COL23A1: variants seen among roughly 807,000 people sequenced by gnomAD.
The protein encoded by COL23A1 is collagen type XXIII alpha 1 chain, also known as collagen alpha-1(XXIII) chain.
COL23A1 carries 97 observed loss-of-function variants against 99.3 expected under a neutral mutation model. The ratio of observed to expected loss-of-function variants is 0.98; its 90% CI spans 0.83 to 1.16. The LOEUF is 1.16. COL23A1 is among the 50% of genes most tolerant of loss of function. COL23A1 has a pLI of 0.00. For synonymous variants in COL23A1, 320 were observed against 308.2 expected (o/e 1.04, Z -0.40); for missense variants, 762 against 757.4 (o/e 1.01, Z -0.07).
chr5:178,253,650 T>A, intron 16 of COL23A1, among the ~76,000 whole-genome samples: 1 of 151,880 alleles, frequency 6.6e-6, no homozygotes, highest in Middle Eastern at 3.4e-3. Flanking sequence ...GCCCGGCTAA[T>A]TTTTGTATTT....
intron 1 of COL23A1, among the ~76,000 whole-genome samples, chr5:178,565,883 C>G (rs534400900): frequency 3.3e-4 from 50 of 150,490 alleles, no homozygotes; most frequent in African/African-American, 1.2e-3. Flanking sequence ...GAGGCCGAGG[C>G]AGGCAGATCA....
In COL23A1 at chr5:178,502,078, A is replaced by G. The variant is rs114951885; in HGVS notation, c.361+58604T>C. Among the ~76,000 whole-genome samples the G allele has an allele frequency of 7.1e-3, 1,086 of 152,376 alleles. 12 individuals are homozygous for G. Among genetic ancestry groups the G allele is most frequent in the African/African-American group, 0.025 (1,030 of 41,586 alleles). On this transcript the variant is annotated intron_variant, in intron 2 of 28. Transcript: ENST00000390654. ...CACGCTACCTTCTTAAGCTGCTTCC[A>G]TGATCAATGATCTGTACTTAAAATC...
At chr5:178,451,152 G>A (rs932183704) in intron 2 of COL23A1, among the ~76,000 whole-genome samples, 2 of 152,074 alleles carry the variant, frequency 1.3e-5, no homozygotes, top group African/African-American at 4.8e-5. Flanking sequence ...TAAATCTATC[G>A]AACAATTATT....
At chr5:178,499,530 A>C (rs618303) in intron 2 of COL23A1, among the ~76,000 whole-genome samples, 24,310 of 152,194 alleles carry the variant, frequency 0.16, 3,949 homozygotes, top group East Asian at 0.6. Flanking sequence ...TCTACAAAAT[A>C]CCTGACCAGT....
At chr5:178,390,919 C>A (rs565857928) in intron 2 of COL23A1, among the ~76,000 whole-genome samples, 1 of 152,204 alleles carries the variant, frequency 6.6e-6, no homozygotes, top group Non-Finnish European at 1.5e-5. Context: ...ACCAAAGGAG[C>A]AATAGATAAA....
intron 2 of COL23A1, among the ~76,000 whole-genome samples, chr5:178,367,608 TG>T (rs545844042): frequency 2.0e-5 from 3 of 152,238 alleles, no homozygotes; most frequent in Middle Eastern, 3.4e-3. Context: ...TTAGGGAGGC[TG>T]GGGGCGGGGT....
chr5:178,259,802 C>T (rs1435240921), intron 11 of COL23A1, 55 bp from the exon 12 acceptor site: 4 of 1,507,596 alleles, frequency 2.7e-6, no homozygotes, highest in Non-Finnish European at 3.6e-6. Context: ...GGAGAGTGGC[C>T]CGGACCCCGG....
intron 2 of COL23A1, among the ~76,000 whole-genome samples, chr5:178,403,442 A>G (rs1764581787): frequency 6.6e-6 from 1 of 152,156 alleles, no homozygotes; most frequent in Non-Finnish European, 1.5e-5. Flanking sequence ...CGTTATCTCC[A>G]TTATTGCAAC....
chr5:178,358,219 GTCTAA>G (rs1761873761), intron 2 of COL23A1, among the ~76,000 whole-genome samples: 2 of 115,416 alleles, frequency 1.7e-5, no homozygotes. Context: ...GTGTATGTGT[GTCTAA>G]TGTGTGTATG....
intron 2 of COL23A1, among the ~76,000 whole-genome samples, chr5:178,369,745 G>C (rs56323836): frequency 0.097 from 14,683 of 151,962 alleles, 806 homozygotes; most frequent in South Asian, 0.18. Context: ...TGATTGTAAG[G>C]CCCCCCCAGC....
intron 2 of COL23A1, among the ~76,000 whole-genome samples, chr5:178,410,385 C>T (rs368505705): frequency 7.2e-5 from 11 of 152,214 alleles, no homozygotes; most frequent in Admixed American, 1.3e-4. Flanking sequence ...CAAATTCATA[C>T]GGAATAGCAA....
intron 2 of COL23A1, among the ~76,000 whole-genome samples, chr5:178,524,674 G>A (rs1483009175): frequency 6.6e-6 from 1 of 152,200 alleles, no homozygotes; most frequent in African/African-American, 2.4e-5. Context: ...CAACTTCCAG[G>A]CCACGCTGAC....
chr5:178,535,788 TC>T (rs1345612394), intron 2 of COL23A1, among the ~76,000 whole-genome samples: 7 of 152,128 alleles, frequency 4.6e-5, no homozygotes, highest in African/African-American at 1.4e-4. Flanking sequence ...TGAGCCAGAG[TC>T]CCCAGCCCCA....
At chr5:178,283,945 T>G (rs1581523780) in intron 5 of COL23A1, among the ~76,000 whole-genome samples, 1 of 152,228 alleles carries the variant, frequency 6.6e-6, no homozygotes, top group African/African-American at 2.4e-5. Flanking sequence ...CTGGGCCTGA[T>G]CCATCTTTGT....
At chr5:178,408,269 G>C (rs1289088971) in intron 2 of COL23A1, among the ~76,000 whole-genome samples, 5 of 152,172 alleles carry the variant, frequency 3.3e-5, no homozygotes, top group Non-Finnish European at 7.4e-5. Flanking sequence ...TTCAGGTGAG[G>C]TTAAATTAAG....
chr5:178,240,121 C>T (rs1764314479), intron 27 of COL23A1, among the ~76,000 whole-genome samples: 1 of 152,196 alleles, frequency 6.6e-6, no homozygotes, highest in Non-Finnish European at 1.5e-5. Flanking sequence ...CTGTGGTGCC[C>T]ACCCAGGAGC....
intron 2 of COL23A1, among the ~76,000 whole-genome samples, chr5:178,550,326 G>A (rs1370079272): frequency 6.6e-6 from 1 of 152,158 alleles, no homozygotes; most frequent in Non-Finnish European, 1.5e-5. Flanking sequence ...TAACATTTGG[G>A]ACCGGATAGT....
At position 178,255,061 on chromosome 5, in the gene COL23A1, G is replaced by A. The variant is rs766472837; in HGVS notation, c.883-35C>T. The A allele has an allele frequency of 2.6e-6, 4 of 1,554,134 alleles. No individual in the cohort carries two copies. The East Asian group carries it at 9.0e-5, about 35-fold the overall frequency. The stretch of plus-strand genomic sequence containing the variant: ...GAAGAAGAGTAAGAATTTCAGGGAA[G>A]AGCTACACTGAGTTGGAGGTGAAGT... On this transcript the variant is annotated intron_variant, in intron 15 of 28. Coordinates refer to ENST00000390654, the MANE Select transcript of COL23A1 (RefSeq NM_173465.4). The surrounding 1 kb of genome is among the most constrained non-coding windows in gnomAD (Gnocchi z 4.2).
chr5:178,479,483 T>A (rs1664964061), intron 2 of COL23A1, among the ~76,000 whole-genome samples: 1 of 152,170 alleles, frequency 6.6e-6, no homozygotes, highest in African/African-American at 2.4e-5. Flanking sequence ...TGCTCTCCCC[T>A]CCAGGTGTCC....
Sources: gnomAD v4.1 joint callset for allele counts (sites outside exome capture counted in the v4.1 genomes callset) on GRCh38, gnomAD v4.1.1 for gene constraint, Gnocchi (gnomAD v3.1) non-coding constraint, MANE v1.5 for transcripts, NCBI Gene and HGNC (gene_info 2026-07-23, HGNC 2026-07-21) for gene names.